Variants in PRKCA observed in about 807,000 individuals in gnomAD.
PRKCA encodes the protein protein kinase C alpha.
A neutral mutation model predicts 87.0 loss-of-function variants in PRKCA; 27 were observed. The ratio of observed to expected loss-of-function variants is 0.31; its 90% confidence interval spans 0.23 to 0.43. The LOEUF (loss-of-function observed/expected upper bound fraction) is 0.43. Ranked by LOEUF, PRKCA falls within the 20% of genes least tolerant of loss-of-function variation. The probability of loss-of-function intolerance (pLI) is 1.00; values close to 1 mark genes in which losing one functional copy is unlikely to be tolerated. For missense variants in PRKCA, 518 were observed against 852.3 expected (o/e 0.61, Z 4.88); for synonymous variants, 329 against 311.1 (o/e 1.06, Z -0.61).
intron 2 of PRKCA, among the ~76,000 whole-genome samples, chr17:66,405,197 C>T (rs28568454): frequency 0.046 from 7,003 of 152,262 alleles, 373 homozygotes; most frequent in African/African-American, 0.13. Flanking sequence ...GCCGACACTG[C>T]GTGCACTCCA....
chr17:66,664,858 TCA>T (rs1972005091), intron 5 of PRKCA, among the ~76,000 whole-genome samples: 1 of 151,982 alleles, frequency 6.6e-6, no homozygotes, highest in Non-Finnish European at 1.5e-5. Context: ...CAGGCTGGTC[TCA>T]CACTCCTGGC....
chr17:66,324,349 C>G (rs1347818024), intron 2 of PRKCA, among the ~76,000 whole-genome samples: 1 of 151,882 alleles, frequency 6.6e-6, no homozygotes, highest in Non-Finnish European at 1.5e-5. Context: ...CGCCTGTAAT[C>G]CCAGCACTTT....
At chr17:66,649,097 C>CAAAAA (rs919549017) in intron 5 of PRKCA, among the ~76,000 whole-genome samples, 1 of 89,726 alleles carries the variant, frequency 1.1e-5, no homozygotes. Context: ...GAGTCCATCT[C>CAAAAA]AAAAAAAAAA....
chr17:66,589,380 A>G (rs1033694999), intron 3 of PRKCA, among the ~76,000 whole-genome samples: 3 of 152,230 alleles, frequency 2.0e-5, no homozygotes, highest in Non-Finnish European at 4.4e-5. Context: ...GTTTTTTTAC[A>G]CAATACGTGT....
At chr17:66,418,881 A>G (rs985169122) in intron 2 of PRKCA, among the ~76,000 whole-genome samples, 1 of 150,484 alleles carries the variant, frequency 6.6e-6, no homozygotes, top group Non-Finnish European at 1.5e-5. Context: ...CCTCCTGTGT[A>G]GCTGGGACTA....
chr17:66,577,711 T>A (rs1199957220), intron 3 of PRKCA, among the ~76,000 whole-genome samples: 3 of 152,166 alleles, frequency 2.0e-5, no homozygotes, highest in Non-Finnish European at 2.9e-5. Flanking sequence ...TTTTCTTTTT[T>A]ATTGCGTCCA....
chr17:66,425,895 A>G (rs1912777117), intron 2 of PRKCA, among the ~76,000 whole-genome samples: 1 of 152,072 alleles, frequency 6.6e-6, no homozygotes, highest in Non-Finnish European at 1.5e-5. Context: ...CATGCCAGGT[A>G]TGGTGTCACC....
intron 13 of PRKCA, among the ~76,000 whole-genome samples, chr17:66,753,943 A>G (rs1974490730): frequency 6.6e-6 from 1 of 152,132 alleles, no homozygotes; most frequent in Non-Finnish European, 1.5e-5. Context: ...GGTGTTTTAT[A>G]AGGGTAGCTC....
chr17:66,645,239 C>T, intron 4 of PRKCA, 144 bp from the exon 5 acceptor site: 1 of 1,071,176 alleles, frequency 9.3e-7, no homozygotes. Context: ...CATCTGCTAA[C>T]AGTTCTTTAT....
At chr17:66,467,007 A>G (rs532971155) in intron 2 of PRKCA, among the ~76,000 whole-genome samples, 2 of 152,238 alleles carry the variant, frequency 1.3e-5, no homozygotes, top group African/African-American at 2.4e-5. Flanking sequence ...CTCATATTCA[A>G]ACTGAACCTA....
chr17:66,644,150 A>T lies in PRKCA; in HGVS notation c.401-1233A>T, dbSNP rs148636531. On this transcript the variant is annotated intron_variant, in intron 4 of 16. Coordinates refer to ENST00000413366, the MANE Select transcript of PRKCA (RefSeq NM_002737.3). ...CTAAATTCGAGGTGTAGAATTTTGA[A>T]CAGTTAGCCTTGGAAATAGAAGCCT... 2.2e-3 allele frequency among the ~76,000 whole-genome samples: 339 copies of T among 152,332 alleles called. 2 individuals are homozygous for T. Among genetic ancestry groups the T allele is most frequent in the East Asian group, 6.7e-3 (35 of 5,188 alleles).
At chr17:66,348,743 G>A (rs2143408010) in intron 2 of PRKCA, among the ~76,000 whole-genome samples, 1 of 152,272 alleles carries the variant, frequency 6.6e-6, no homozygotes, top group East Asian at 1.9e-4. Context: ...CAGGCAGTTG[G>A]AACATTATCC....
chr17:66,308,419 G>A (rs1311149747), intron 2 of PRKCA, among the ~76,000 whole-genome samples: 1 of 151,750 alleles, frequency 6.6e-6, no homozygotes, highest in East Asian at 1.9e-4. Flanking sequence ...ATGTGTTTTA[G>A]CCATTTGTGT....
rs1197431137 is a variant in PRKCA at position 66,789,950 on chromosome 17, C to T, written c.1854+971C>T. On this transcript the variant is annotated intron_variant, in intron 16 of 16. Transcript: ENST00000413366. ...GGGCGTCCTGTTTCTAAGGGCCGGG[C>T]GGACTGTGCCTTCCAGCTCTGCCAC... Among the ~76,000 whole-genome samples the T allele has an allele frequency of 2.0e-5, 3 of 152,246 alleles. No homozygotes were observed. In the East Asian group the frequency reaches 5.8e-4, roughly 29 times the overall value.
chr17:66,690,827 CAAA>C (rs34671486), intron 8 of PRKCA, among the ~76,000 whole-genome samples: 1,888 of 66,570 alleles, frequency 0.028, 20 homozygotes, highest in Non-Finnish European at 0.041. Flanking sequence ...GACTCTGTCT[CAAA>C]AAAAAAAAAA....
intron 2 of PRKCA, among the ~76,000 whole-genome samples, chr17:66,361,983 C>T (rs185945261): frequency 3.5e-4 from 53 of 152,256 alleles, no homozygotes; most frequent in African/African-American, 1.2e-3. Context: ...TTTTCATCAC[C>T]TGCTCTATTA....
rs540373848 is a variant in PRKCA at position 66,777,977 on chromosome 17, G to A, written c.1605+3910G>A. ...TTCTTCTGGCAGAGAAGTCCCCTTT[G>A]GGGGGTGCATTTTGAAGCTCTGCCA... On this transcript the variant is annotated intron_variant, in intron 14 of 16. Transcript: ENST00000413366. 6.1e-6 allele frequency: 6 copies of A among 975,798 alleles called. No homozygotes were observed. The African/African-American group carries it at 7.1e-5, about 12-fold the overall frequency. The allele number at this position is 975,798 out of a possible 1,614,324, so 60.4% of individuals were successfully genotyped here.
rs183050767 is a variant in PRKCA, at chr17:66,310,444, G to A, written c.205+4317G>A. Among the ~76,000 whole-genome samples, 381 of 152,174 alleles carry A rather than the reference G, an allele frequency of 2.5e-3. 1 individual carries two copies. Among genetic ancestry groups the A allele is most frequent in the African/African-American group, 8.5e-3 (355 of 41,530 alleles). ...TCAATGATGCTACTAAAGTTGTTTT[G>A]AATCTTGAGTCATTTCCCTGCTAAG... On this transcript the variant is annotated intron_variant, in intron 2 of 16. Coordinates refer to ENST00000413366, the MANE Select transcript of PRKCA (RefSeq NM_002737.3).
intron 14 of PRKCA, among the ~76,000 whole-genome samples, chr17:66,780,536 CGTG>C (rs1207060497): frequency 6.6e-6 from 1 of 151,704 alleles, no homozygotes; most frequent in Non-Finnish European, 1.5e-5. Flanking sequence ...ATTAGTTGGG[CGTG>C]GTGGTGCACA....
Sources: gnomAD v4.1 joint callset for allele counts (sites outside exome capture counted in the v4.1 genomes callset) on GRCh38, gnomAD v4.1.1 for gene constraint, MANE v1.5 for transcripts, NCBI Gene and HGNC (gene_info 2026-07-23, HGNC 2026-07-21) for gene names.